CEP57: variants seen among roughly 807,000 people sequenced by gnomAD.
The protein encoded by CEP57 is centrosomal protein 57.
A neutral mutation model predicts 68.0 loss-of-function variants in CEP57; 40 were observed. The ratio of observed to expected loss-of-function variants is 0.59; its 90% confidence interval spans 0.46 to 0.77. The LOEUF (loss-of-function observed/expected upper bound fraction) is 0.77, where lower values mean the gene tolerates loss of function less well. Among genes scored for constraint, CEP57 ranks in the 30% least tolerant of loss-of-function variants. The probability of loss-of-function intolerance (pLI) is 0.00; values close to 1 mark genes in which losing one functional copy is unlikely to be tolerated. For missense variants in CEP57, 606 were observed against 580.7 expected (o/e 1.04, Z -0.45); for synonymous variants, 219 against 198.7 (o/e 1.10, Z -0.86).
rs2135342248 is a variant in CEP57 at position 95,818,889 on chromosome 11, A to C, written c.684A>C (p.Gln228His). ...AAGAACAGGAAAGGAAACGCATGCA[A>C]GCTAAGGCAGCTGAGGTAAGTTAAA... ...HEEEQERKRM[Q>H]AKAAELQTGL... Residue 228 changes from glutamine (Q) to histidine (H), a missense_variant, in exon 6 of 11, where the codon CAA becomes CAC. Physicochemically the swap from Gln to His is conservative, Grantham distance 24 (BLOSUM62 0). Transcript: ENST00000325542. 2.5e-6 allele frequency: 4 copies of C among 1,613,828 alleles called. No homozygotes were observed. Among genetic ancestry groups the C allele is most frequent in the Non-Finnish European group, 3.4e-6 (4 of 1,179,786 alleles).
At position 95,818,856 on chromosome 11, in the gene CEP57, C is replaced by G. The variant is rs200137467; in HGVS notation, c.651C>G (p.Leu217=). 11 of 1,613,954 alleles carry G rather than the reference C, an allele frequency of 6.8e-6. No homozygotes were observed. The highest frequency in any genetic ancestry group is 1.3e-5 in the African/African-American group (1 of 75,020). Residue 217 remains leucine, a synonymous_variant, in exon 6 of 11, where the codon CTC becomes CTG. Coordinates refer to ENST00000325542, the MANE Select transcript of CEP57 (RefSeq NM_014679.5). ...EKKMQELEAK[L]HEEEQERKRM... ...AAATGCAAGAGTTGGAAGCAAAACT[C>G]CATGAAGAAGAACAGGAAAGGAAAC... is the stretch of plus-strand genomic sequence containing the variant.
At position 95,831,465 on chromosome 11, in the gene CEP57, C is replaced by CGACCA; in HGVS notation, c.*209_*210insGACCA. On this transcript the variant is annotated 3_prime_UTR_variant, in exon 11 of 11. Transcript: ENST00000325542. ...AATGGAAACCAGGGGAGTTTTAAAG[C>CGACCA]CCGAGAAACCACACATAATCTTTTG... 1 of 469,478 alleles carries CGACCA rather than the reference C, an allele frequency of 2.1e-6. No individual in the cohort carries two copies. Among genetic ancestry groups the CGACCA allele is most frequent in the Non-Finnish European group, 3.8e-6 (1 of 260,750 alleles). The allele number at this position is 469,478 out of a possible 1,614,324, so 29.1% of individuals were successfully genotyped here.
intron 2 of CEP57, among the ~76,000 whole-genome samples, chr11:95,804,478 C>A (rs1455221196): frequency 6.6e-6 from 1 of 152,112 alleles, no homozygotes; most frequent in Non-Finnish European, 1.5e-5. Context: ...TGGGTAGCGA[C>A]TGGAGAACAA....
intron 2 of CEP57, among the ~76,000 whole-genome samples, chr11:95,809,577 C>A (rs182224419): frequency 6.6e-6 from 1 of 152,088 alleles, no homozygotes; most frequent in Non-Finnish European, 1.5e-5. Context: ...AACATCTCTA[C>A]GCAAATAAAC....
At chr11:95,803,716 T>G (rs987555309) in intron 2 of CEP57, among the ~76,000 whole-genome samples, 5 of 151,388 alleles carry the variant, frequency 3.3e-5, no homozygotes, top group African/African-American at 1.2e-4. Flanking sequence ...GGCTTGTAAC[T>G]AGCTTCATTT....
chr11:95,797,848 G>A (rs1861415232), intron 1 of CEP57, among the ~76,000 whole-genome samples: 1 of 152,070 alleles, frequency 6.6e-6, no homozygotes, highest in African/African-American at 2.4e-5. Flanking sequence ...GAGGGTGGTC[G>A]GCAAGTCACT....
intron 1 of CEP57, chr11:95,795,461 A>G (rs1861300174): frequency 2.3e-6 from 1 of 432,328 alleles, no homozygotes; most frequent in Non-Finnish European, 4.1e-6. Flanking sequence ...ATGATACGAA[A>G]TTGGGATTCT....
rs531068389 is a variant in CEP57, at chr11:95,790,737, C to G, written c.39C>G (p.His13Gln). 108 of 1,614,074 alleles carry G rather than the reference C, an allele frequency of 6.7e-5. 1 individual carries two copies. The South Asian group carries it at 1.1e-3, about 17-fold the overall frequency. The part of the protein sequence containing the change: ...AASVSAASGS[H>Q]LSNSFAEPSR... ...CTGTCTCTGCGGCTTCTGGTTCTCA[C>G]TTGTCGGTAAGAAGCAGTTGGCGCG... is the stretch of plus-strand genomic sequence containing the variant. Residue 13 changes from histidine to glutamine, a missense_variant, in exon 1 of 11, where the codon CAC becomes CAG. Coordinates refer to ENST00000325542, the MANE Select transcript of CEP57 (RefSeq NM_014679.5).
chr11:95,816,845 T>C (rs1439617197), intron 4 of CEP57, among the ~76,000 whole-genome samples: 3 of 152,020 alleles, frequency 2.0e-5, no homozygotes, highest in Admixed American at 2.0e-4. Context: ...ACCCCATCTC[T>C]ACTAAAAATA....
intron 4 of CEP57, among the ~76,000 whole-genome samples, chr11:95,817,578 G>A (rs1425497619): frequency 6.6e-6 from 1 of 152,066 alleles, no homozygotes; most frequent in Non-Finnish European, 1.5e-5. Flanking sequence ...TACATATTAG[G>A]TAAATAGCTA....
chr11:95,798,335 G>A (rs1027034942), intron 1 of CEP57, among the ~76,000 whole-genome samples: 2 of 152,086 alleles, frequency 1.3e-5, no homozygotes, highest in Admixed American at 1.3e-4. Flanking sequence ...CAGGTATTTC[G>A]ATAGCCTTTG....
intron 4 of CEP57, among the ~76,000 whole-genome samples, chr11:95,817,105 C>T (rs949702958): frequency 1.8e-4 from 27 of 151,854 alleles, no homozygotes; most frequent in African/African-American, 6.5e-4. Context: ...CGGTGGCTCA[C>T]GCCTGTAATC....
At chr11:95,804,847 A>G (rs1239214334) in intron 2 of CEP57, among the ~76,000 whole-genome samples, 2 of 151,894 alleles carry the variant, frequency 1.3e-5, no homozygotes, top group Admixed American at 6.5e-5. Flanking sequence ...CTACATCTAG[A>G]TGGTAAGATT....
intron 7 of CEP57, 161 bp downstream of exon 7, chr11:95,822,139 AT>A: frequency 1.6e-6 from 1 of 644,832 alleles, no homozygotes. Flanking sequence ...CTACTCCTAA[AT>A]TTTTATCCTG....
rs758928678 is a variant in CEP57, at chr11:95,822,604, T to A, written c.885+28T>A. On this transcript the variant is annotated intron_variant, in intron 8 of 10. Coordinates refer to ENST00000325542, the MANE Select transcript of CEP57 (RefSeq NM_014679.5). Reference sequence around the variant, plus strand: ...GAGTTGGTCAAACTCCGGATTCTTTTTATACAACATTGATCCCTGAATTAA... The same window carrying A: ...GAGTTGGTCAAACTCCGGATTCTTTATATACAACATTGATCCCTGAATTAA... 50 of 1,548,800 alleles carry A rather than the reference T, an allele frequency of 3.2e-5. No homozygotes were observed. In the South Asian group the frequency reaches 5.2e-4, roughly 16 times the overall value.
At chr11:95,818,969 A>G in intron 6 of CEP57, 65 bp downstream of exon 6, 1 of 1,209,584 alleles carries the variant, frequency 8.3e-7, no homozygotes, top group Non-Finnish European at 1.2e-6. Flanking sequence ...ACAAGTAAAC[A>G]ATTACATTTA....
At chr11:95,830,114 G>A (rs1448896194) in intron 10 of CEP57, among the ~76,000 whole-genome samples, 1 of 152,158 alleles carries the variant, frequency 6.6e-6, no homozygotes, top group Non-Finnish European at 1.5e-5. Flanking sequence ...AGTGCCAAGT[G>A]CTCTGAGTAT....
rs1860975762 is a variant in CEP57 at position 95,790,573 on chromosome 11, C to T, written c.-126C>T. On this transcript the variant is annotated 5_prime_UTR_variant, in exon 1 of 11. Coordinates refer to ENST00000325542, the MANE Select transcript of CEP57 (RefSeq NM_014679.5). ...GGGTTTCCAAGCCCAGCACCAGCAC[C>T]CTTGCCCTTTTCCATCAGGGGTTCA... 8.6e-7 allele frequency: 1 copy of T among 1,160,130 alleles called. No individual in the cohort carries two copies. Among genetic ancestry groups the T allele is most frequent in the Non-Finnish European group, 1.3e-6 (1 of 795,020 alleles). The allele number at this position is 1,160,130 out of a possible 1,614,324, so 71.9% of individuals were successfully genotyped here.
rs1352288609 is a variant in CEP57, at chr11:95,799,347, C to G, written c.161C>G (p.Pro54Arg). Reference sequence around the variant, plus strand: ...CTTAATAGTGATCTACGACGCTCCCCAAGTAAGCCTACACTTGCCTATCCA... The same window carrying G: ...CTTAATAGTGATCTACGACGCTCCCGAAGTAAGCCTACACTTGCCTATCCA... ...PFLNSDLRRS[P>R]SKPTLAYPES... The change falls in exon 2 of 11, where the codon CCA becomes CGA. Residue 54 changes from proline (P) to arginine (R), a missense_variant. Pro to Arg is a moderately radical substitution (Grantham distance 103). Coordinates refer to ENST00000325542, the MANE Select transcript of CEP57 (RefSeq NM_014679.5). 21 of 1,613,960 alleles carry G rather than the reference C, an allele frequency of 1.3e-5. No homozygotes were observed. The East Asian group carries it at 4.2e-4, about 33-fold the overall frequency.
Sources: gnomAD v4.1 joint callset for allele counts (sites outside exome capture counted in the v4.1 genomes callset) on GRCh38, gnomAD v4.1.1 for gene constraint, MANE v1.5 for transcripts, NCBI Gene and HGNC (gene_info 2026-07-23, HGNC 2026-07-21) for gene names.